The following LRP6 variants were observed in gnomAD, a reference collection of about 807,000 sequenced individuals.
LRP6 encodes low-density lipoprotein receptor-related protein 6.
In LRP6, 43 loss-of-function variants were observed where a neutral mutation model predicts 184.1. The ratio of observed to expected loss-of-function variants is 0.23; its 90% CI spans 0.18 to 0.30. The LOEUF (loss-of-function observed/expected upper bound fraction) is 0.30. LRP6 is among the 10% of genes least tolerant of loss of function. LRP6 has a pLI of 1.00. For missense variants in LRP6, 1,571 were observed against 2,005.3 expected (o/e 0.78, Z 4.14); for synonymous variants, 719 against 684.9 (o/e 1.05, Z -0.78).
Position 12,125,368 on chromosome 12 carries a change from G to A in LRP6, c.4377C>T (p.Pro1459=), listed in dbSNP as rs774159035. 1.9e-6 allele frequency: 3 copies of A among 1,613,574 alleles called. No homozygotes were observed. The highest frequency in any genetic ancestry group is 2.5e-6 in the Non-Finnish European group (3 of 1,179,702). The change falls in exon 21 of 23, where the codon CCC becomes CCT. Residue 1459 remains proline (P), a synonymous_variant. Transcript: ENST00000261349. ...LSIMGGSSGP[P]YDRAHVTGAS... ...CTCCTGTAACATGGGCTCGGTCATA[G>A]GGGGGTCCACTGCTTCCCCCCATGA...
chr12:12,118,487 A>T lies in LRP6; in HGVS notation c.*2639T>A, dbSNP rs1387435908. ...TAAGGAATCTAATGAAACATTATTC[A>T]TTTTCCCCCTTGGACAATGAATTTA... On this transcript the variant is annotated 3_prime_UTR_variant, in exon 23 of 23. Coordinates refer to ENST00000261349, the MANE Select transcript of LRP6 (RefSeq NM_002336.3). 1 of 152,192 alleles carries T rather than the reference A, an allele frequency of 6.6e-6. No homozygotes were observed. Among genetic ancestry groups the T allele is most frequent in the Non-Finnish European group, 1.5e-5 (1 of 68,034 alleles). 9.4% of individuals were successfully genotyped at this position (152,192 alleles called of 1,614,324 possible).
intron 7 of LRP6, among the ~76,000 whole-genome samples, chr12:12,175,762 CTG>C (rs1863166759): frequency 6.7e-6 from 1 of 149,798 alleles, no homozygotes; most frequent in South Asian, 2.1e-4. Context: ...AAAAAAGAAA[CTG>C]TGAGAGAAAT....
intron 9 of LRP6, 123 bp downstream of exon 9, chr12:12,164,150 A>C: frequency 4.1e-6 from 3 of 725,064 alleles, no homozygotes; most frequent in Non-Finnish European, 6.7e-6. Context: ...AAAAAACTTG[A>C]GGGTTTTTGT....
At chr12:12,194,416 C>T (rs997819624) in intron 3 of LRP6, among the ~76,000 whole-genome samples, 2 of 152,028 alleles carry the variant, frequency 1.3e-5, no homozygotes, top group Non-Finnish European at 2.9e-5. Context: ...TCAAAAGGCC[C>T]TGCATGAACC....
At chr12:12,146,615 G>A (rs1950010641) in intron 15 of LRP6, among the ~76,000 whole-genome samples, 1 of 152,166 alleles carries the variant, frequency 6.6e-6, no homozygotes, top group African/African-American at 2.4e-5. Flanking sequence ...GGTTGTGAAA[G>A]GTGAATACTA....
chr12:12,179,560 C>A (rs1291218947), intron 7 of LRP6, among the ~76,000 whole-genome samples: 1 of 152,114 alleles, frequency 6.6e-6, no homozygotes, highest in Admixed American at 6.6e-5. Flanking sequence ...AAATCACTTA[C>A]ATAAGCTTTT....
intron 14 of LRP6, 37 bp from the exon 15 acceptor site, chr12:12,147,593 T>C: frequency 6.9e-7 from 1 of 1,446,834 alleles, no homozygotes; most frequent in Non-Finnish European, 9.7e-7. Flanking sequence ...GTTACTGGAG[T>C]AAGAAACCAC....
At chr12:12,181,475 A>T in intron 5 of LRP6, 36 bp from the exon 6 acceptor site, 2 of 931,832 alleles carry the variant, frequency 2.1e-6, no homozygotes, top group Non-Finnish European at 3.5e-6. Context: ...ATACTTTGAA[A>T]CCCAGAGGTA....
rs564289938 is a variant in LRP6, at chr12:12,265,716, T to C, written c.55+965A>G. Reference sequence around the variant, plus strand: ...CACAGCCATCACAGCCATCTCAAGTTCAACACTAAATAGTTTGAGAAGAGC... The same window carrying C: ...CACAGCCATCACAGCCATCTCAAGTCCAACACTAAATAGTTTGAGAAGAGC... On this transcript the variant is annotated intron_variant, in intron 1 of 22. Coordinates refer to ENST00000261349, the MANE Select transcript of LRP6 (RefSeq NM_002336.3). 1.1e-4 allele frequency among the ~76,000 whole-genome samples: 17 copies of C among 152,260 alleles called. No individual in the cohort carries two copies. The South Asian group carries it at 2.9e-3, about 26-fold the overall frequency.
chr12:12,154,195 T>C (rs1950118769), intron 12 of LRP6, among the ~76,000 whole-genome samples: 1 of 152,234 alleles, frequency 6.6e-6, no homozygotes, highest in South Asian at 2.1e-4. Flanking sequence ...GGTGTTCCTC[T>C]AACATGTCGG....
intron 15 of LRP6, among the ~76,000 whole-genome samples, chr12:12,142,527 A>G (rs189597191): frequency 4.5e-4 from 68 of 152,306 alleles, no homozygotes; most frequent in African/African-American, 1.5e-3. Flanking sequence ...GGATGAAAGC[A>G]TAATTATCTG....
intron 10 of LRP6, 42 bp downstream of exon 10, chr12:12,162,151 G>T: frequency 6.8e-7 from 1 of 1,460,434 alleles, no homozygotes; most frequent in Non-Finnish European, 9.6e-7. Flanking sequence ...TCCCCGAAAT[G>T]TACACTGCAG....
At chr12:12,180,054 T>C in intron 6 of LRP6, 73 bp from the exon 7 acceptor site, 1 of 1,253,264 alleles carries the variant, frequency 8.0e-7, no homozygotes, top group Non-Finnish European at 1.2e-6. Flanking sequence ...AAAGGTGAGA[T>C]CCATCCCTCC....
chr12:12,170,503 C>T (rs1281915865), intron 7 of LRP6, among the ~76,000 whole-genome samples: 1 of 151,644 alleles, frequency 6.6e-6, no homozygotes, highest in Non-Finnish European at 1.5e-5. Context: ...TAAAGTACAT[C>T]CTAATTCAAC....
At chr12:12,228,724 T>TA (rs1864696605) in intron 2 of LRP6, among the ~76,000 whole-genome samples, 1 of 152,244 alleles carries the variant, frequency 6.6e-6, no homozygotes, top group African/African-American at 2.4e-5. Flanking sequence ...TTTGTGCATC[T>TA]AATGCCTGAT....
chr12:12,133,957 T>C (rs530639465), intron 17 of LRP6, among the ~76,000 whole-genome samples: 1 of 151,962 alleles, frequency 6.6e-6, no homozygotes, highest in Admixed American at 6.6e-5. Flanking sequence ...CAATCCCTAT[T>C]TTTAAAAATT....
intron 3 of LRP6, among the ~76,000 whole-genome samples, chr12:12,188,516 T>G (rs1168683748): frequency 4.6e-5 from 7 of 152,188 alleles, no homozygotes; most frequent in African/African-American, 1.7e-4. Flanking sequence ...TCTAACAGAC[T>G]ACCAGCATAT....
intron 13 of LRP6, 137 bp downstream of exon 13, chr12:12,150,699 C>T: frequency 1.2e-6 from 1 of 859,964 alleles, no homozygotes; most frequent in East Asian, 2.5e-5. Context: ...AAAAAATAAG[C>T]TACTAGGTCC....
intron 2 of LRP6, among the ~76,000 whole-genome samples, chr12:12,209,206 T>C (rs1416736160): frequency 6.6e-6 from 1 of 152,240 alleles, no homozygotes; most frequent in Non-Finnish European, 1.5e-5. Context: ...GGCTATTGTC[T>C]TTCTTGTACA....
Sources: allele counts gnomAD v4.1 joint callset (sites outside exome capture counted in the v4.1 genomes callset), GRCh38; gene constraint gnomAD v4.1.1; transcripts MANE v1.5; gene names NCBI Gene and HGNC (gene_info 2026-07-23, HGNC 2026-07-21).